RPE: variants seen among roughly 807,000 people sequenced by gnomAD.
The protein encoded by RPE is ribulose-phosphate 3-epimerase.
In RPE, 16 loss-of-function variants were observed where a neutral mutation model predicts 24.6. That is an observed-to-expected ratio of 0.65 (90% CI 0.44 to 0.99). The LOEUF (loss-of-function observed/expected upper bound fraction) is 0.99. Among genes scored for constraint, RPE ranks in the 50% least tolerant of loss-of-function variants. The pLI, the probability that RPE is intolerant of heterozygous loss-of-function variation, is 0.00. For synonymous variants in RPE, 93 were observed against 98.4 expected (o/e 0.94, Z 0.33); for missense variants, 240 against 294.5 (o/e 0.81, Z 1.35).
chr2:210,004,409 C>G (rs988269881), intron 1 of RPE, among the ~76,000 whole-genome samples: 1 of 152,092 alleles, frequency 6.6e-6, no homozygotes, highest in Admixed American at 6.5e-5. Flanking sequence ...CATTTGACAG[C>G]GAGGAATTGG....
At chr2:210,016,419 CAG>C in intron 3 of RPE, 86 bp from the exon 4 acceptor site, 2 of 1,586,214 alleles carry the variant, frequency 1.3e-6, no homozygotes, top group Non-Finnish European at 8.6e-7. Context: ...AAAATAAGAA[CAG>C]ATATTTCTAC....
chr2:210,018,025 G>T, intron 5 of RPE: 1 of 976,446 alleles, frequency 1.0e-6, no homozygotes, highest in East Asian at 2.7e-5. Context: ...GATTACAGAT[G>T]TGAGCCATGG....
Position 210,018,281 on chromosome 2 carries a change from A to G in RPE, c.564+722A>G. ...TGACCTAATTATTACATTATTCTTTAGAACCTACATATTATTTAGTTGTTC... is the reference window on the plus strand; with the variant it reads ...TGACCTAATTATTACATTATTCTTTGGAACCTACATATTATTTAGTTGTTC... On this transcript the variant is annotated intron_variant, in intron 5 of 5. Coordinates refer to ENST00000359429, the MANE Select transcript of RPE (RefSeq NM_199229.3). The G allele has an allele frequency of 3.3e-6, 5 of 1,493,712 alleles. No homozygotes were observed. The South Asian group carries it at 5.2e-5, about 16-fold the overall frequency. The allele number at this position is 1,493,712 out of a possible 1,614,324, so 92.5% of individuals were successfully genotyped here. A position where few individuals can be genotyped will look rare whatever the true frequency, so the allele number is the denominator to read the frequency against.
chr2:210,014,867 A>G (rs569758039), intron 2 of RPE, among the ~76,000 whole-genome samples: 6 of 152,242 alleles, frequency 3.9e-5, no homozygotes, highest in East Asian at 3.9e-4. Context: ...ACTACCATCT[A>G]TCAAACACAG....
At chr2:210,015,792 T>C (rs976493197) in intron 2 of RPE, among the ~76,000 whole-genome samples, 181 bp from the exon 3 acceptor site, 1 of 152,220 alleles carries the variant, frequency 6.6e-6, no homozygotes, top group Non-Finnish European at 1.5e-5. Flanking sequence ...TGAATTTAAA[T>C]AAATCCTTGT....
intron 4 of RPE, 46 bp from the exon 5 acceptor site, chr2:210,017,427 A>AAAAAAC: frequency 9.8e-7 from 1 of 1,020,628 alleles, no homozygotes; most frequent in Non-Finnish European, 1.4e-6. Flanking sequence ...ACCCCCACCA[A>AAAAAAC]CATACCCACT....
At chr2:210,016,751 A>G in intron 4 of RPE, 110 bp downstream of exon 4, 1 of 1,453,978 alleles carries the variant, frequency 6.9e-7, no homozygotes, top group South Asian at 1.3e-5. Context: ...AGGTGAGGAG[A>G]TGGGGATGCT....
At chr2:210,017,730 ATGCT>A (rs1472904891) in intron 5 of RPE, 171 bp downstream of exon 5, 558 of 374,534 alleles carry the variant, frequency 1.5e-3, no homozygotes, top group East Asian at 3.9e-3. Flanking sequence ...ATAAGTGGAT[ATGCT>A]TTTTTTTTTT....
chr2:210,017,465 A>G lies in RPE; in HGVS notation c.478-8A>G, dbSNP rs757755882. 40 of 1,590,638 alleles carry G rather than the reference A, an allele frequency of 2.5e-5. No individual in the cohort carries two copies. The highest frequency in any genetic ancestry group is 2.4e-4 in the South Asian group (22 of 90,522). Reference sequence around the variant, plus strand: ...AGGAGTTACTTATTTCCTCATGTATATATCTAGGTTCACTGGTTGAGGACC... The same window carrying G: ...AGGAGTTACTTATTTCCTCATGTATGTATCTAGGTTCACTGGTTGAGGACC... On this transcript the variant is annotated splice_polypyrimidine_tract_variant and splice_region_variant and intron_variant, in intron 4 of 5. Transcript: ENST00000359429.
rs938819245 is a variant in RPE, at chr2:210,009,687, C to A, written c.153C>A (p.His51Gln). ...GHFVPNITFG[H>Q]PVVESLRKQL... ...TTGTTCCCAACATCACCTTTGGTCA[C>A]CCTGTGGTAGAAAGCCTTCGAAAGC... is the stretch of plus-strand genomic sequence containing the variant. The change falls in exon 2 of 6, where the codon CAC becomes CAA. Residue 51 changes from histidine to glutamine, a missense_variant. Physicochemically the swap from His to Gln is conservative, Grantham distance 24. Coordinates refer to ENST00000359429, the MANE Select transcript of RPE (RefSeq NM_199229.3). 2 of 1,614,060 alleles carry A rather than the reference C, an allele frequency of 1.2e-6. No homozygotes were observed. The highest frequency in any genetic ancestry group is 1.7e-6 in the Non-Finnish European group (2 of 1,179,996).
chr2:210,004,041 T>G (rs1390284999), intron 1 of RPE, among the ~76,000 whole-genome samples: 1 of 152,246 alleles, frequency 6.6e-6, no homozygotes, highest in Non-Finnish European at 1.5e-5. Flanking sequence ...ATTATACTTA[T>G]ATACTTTATT....
intron 1 of RPE, among the ~76,000 whole-genome samples, chr2:210,006,358 C>T (rs938044731): frequency 5.9e-5 from 9 of 152,250 alleles, no homozygotes; most frequent in African/African-American, 9.6e-5. Context: ...TGACTTCGTG[C>T]TTAGGATTGT....
At position 210,021,469 on chromosome 2, in the gene RPE, A is replaced by G. The variant is rs1462999048; in HGVS notation, c.*1678A>G. 2.0e-5 allele frequency: 3 copies of G among 152,590 alleles called. No homozygotes were observed. Among genetic ancestry groups the G allele is most frequent in the South Asian group, 2.1e-4 (1 of 4,834 alleles). 9.5% of individuals were successfully genotyped at this position (152,590 alleles called of 1,614,324 possible). A position where few individuals can be genotyped will look rare whatever the true frequency, so the allele number is the denominator to read the frequency against. ...AAAAACTTACATAGAAGATTATAAT[A>G]TCAGACGTGACAAAGATTTGAGTTT... is the stretch of plus-strand genomic sequence containing the variant. On this transcript the variant is annotated 3_prime_UTR_variant, in exon 6 of 6. Transcript: ENST00000359429.
At position 210,020,326 on chromosome 2, in the gene RPE, A is replaced by G. The variant is rs374309140; in HGVS notation, c.*535A>G. 4.8e-5 allele frequency: 8 copies of G among 166,940 alleles called. No homozygotes were observed. The highest frequency in any genetic ancestry group is 9.6e-5 in the African/African-American group (4 of 41,464). 10.3% of individuals were successfully genotyped at this position (166,940 alleles called of 1,614,324 possible). ...TTGATGTGTGAAAACTATAAAAACA[A>G]TGTGTGAAACCCAGGGGTTCTAAAA... is the stretch of plus-strand genomic sequence containing the variant. On this transcript the variant is annotated 3_prime_UTR_variant, in exon 6 of 6. Transcript: ENST00000359429.
intron 2 of RPE, among the ~76,000 whole-genome samples, chr2:210,011,057 T>G (rs2093692964): frequency 1.3e-5 from 2 of 152,234 alleles, no homozygotes; most frequent in Admixed American, 6.5e-5. Context: ...CACAGAAAAT[T>G]CTGTTGAATA....
intron 4 of RPE, 138 bp from the exon 5 acceptor site, chr2:210,017,335 T>C: frequency 1.5e-6 from 1 of 671,232 alleles, no homozygotes; most frequent in Non-Finnish European, 2.6e-6. Flanking sequence ...GTTGTATTGG[T>C]ATAGTTATTG....
At chr2:210,009,116 A>G (rs1242382312) in intron 1 of RPE, among the ~76,000 whole-genome samples, 1 of 152,258 alleles carries the variant, frequency 6.6e-6, no homozygotes, top group Non-Finnish European at 1.5e-5. Flanking sequence ...TGTCGTGAAG[A>G]TGAAATGAAG....
chr2:210,004,868 G>A (rs142880557), intron 1 of RPE, among the ~76,000 whole-genome samples: 19 of 152,184 alleles, frequency 1.2e-4, no homozygotes, highest in African/African-American at 4.1e-4. Context: ...ATGGATCAGA[G>A]TTTTGGGAAC....
intron 1 of RPE, among the ~76,000 whole-genome samples, chr2:210,003,684 A>G (rs1175584312): frequency 6.6e-6 from 1 of 152,242 alleles, no homozygotes; most frequent in Non-Finnish European, 1.5e-5. Flanking sequence ...TATAAAAATC[A>G]TAAATACCAT....
Sources: allele counts gnomAD v4.1 joint callset (sites outside exome capture counted in the v4.1 genomes callset), GRCh38; gene constraint gnomAD v4.1.1; transcripts MANE v1.5; gene names NCBI Gene and HGNC (gene_info 2026-07-23, HGNC 2026-07-21).